Variants in TENM2 observed in about 807,000 individuals in gnomAD.
TENM2 encodes teneurin transmembrane protein 2.
Under a neutral mutation model 245.2 loss-of-function variants are expected in TENM2, and 52 were observed. That is an observed-to-expected ratio of 0.21 (90% CI 0.17 to 0.27). The LOEUF is 0.27. TENM2 is among the 10% of genes least tolerant of loss of function. The pLI is 1.00. For synonymous variants in TENM2, 1,363 were observed against 1,438.9 expected, an observed-to-expected ratio of 0.95 and a Z score of 1.19; for missense variants, 3,046 against 3,666.8, an observed-to-expected ratio of 0.83 and a Z score of 4.37.
rs754597398 is a variant in TENM2 at position 168,125,003 on chromosome 5, G to T, written c.2162G>T (p.Gly721Val). Reference sequence around the variant, plus strand: ...CATGGCACGTACCTGCCTGACACGGGCCTCTGCAGCTGCGATCCCAACTGG... The same window carrying T: ...CATGGCACGTACCTGCCTGACACGGTCCTCTGCAGCTGCGATCCCAACTGG... Residue 721 changes from glycine to valine, a missense_variant, in exon 11 of 29, where the codon GGC becomes GTC. Coordinates refer to ENST00000518659, the Ensembl canonical transcript of TENM2. 6 of 1,610,700 alleles carry T rather than the reference G, an allele frequency of 3.7e-6. No homozygotes were observed. In the Admixed American group the frequency reaches 1.0e-4, roughly 27 times the overall value.
chr5:167,566,246 G>A (rs146395282), intron 2 of TENM2, among the ~76,000 whole-genome samples: 30 of 151,932 alleles, frequency 2.0e-4, no homozygotes, highest in African/African-American at 5.3e-4. Flanking sequence ...GAAGGGAGCC[G>A]TTTAAATGCA....
intron 5 of TENM2, among the ~76,000 whole-genome samples, chr5:168,016,514 A>C (rs1190615030): frequency 6.6e-6 from 1 of 152,248 alleles, no homozygotes; most frequent in African/African-American, 2.4e-5. Flanking sequence ...CTAAGAGTAA[A>C]ACAATTAGTG....
At chr5:167,435,022 C>A (rs1015290649) in intron 2 of TENM2, among the ~76,000 whole-genome samples, 1 of 152,110 alleles carries the variant, frequency 6.6e-6, no homozygotes, top group East Asian at 1.9e-4. Context: ...TTGATGCCAA[C>A]GTAGTGGCAA....
chr5:167,884,092 CAACAAT>C (rs58919783), intron 3 of TENM2, among the ~76,000 whole-genome samples: 4,241 of 152,240 alleles, frequency 0.028, 186 homozygotes, highest in African/African-American at 0.095. Context: ...GTCTGTAAAA[CAACAAT>C]AAGTGTCTAC....
At chr5:168,031,045 G>A (rs932466344) in intron 5 of TENM2, among the ~76,000 whole-genome samples, 12 of 152,106 alleles carry the variant, frequency 7.9e-5, no homozygotes, top group African/African-American at 1.7e-4. Context: ...TGCACCCCCC[G>A]ACCACTGCTT....
Position 168,108,410 on chromosome 5 carries a change from G to A in TENM2, c.1814-9882G>A, listed in dbSNP as rs539521821. 2.0e-5 allele frequency among the ~76,000 whole-genome samples: 3 copies of A among 152,162 alleles called. No individual in the cohort carries two copies. In the South Asian group the frequency reaches 6.2e-4, roughly 32 times the overall value. On this transcript the variant is annotated intron_variant, in intron 9 of 28. Transcript: ENST00000518659. Reference sequence around the variant, plus strand: ...AATTACTTAACCCCTCTGAGCCTCGGTTTTCTCATCTGTAAAATGGAGACA... The same window carrying A: ...AATTACTTAACCCCTCTGAGCCTCGATTTTCTCATCTGTAAAATGGAGACA...
At chr5:167,589,746 A>G (rs1282018140) in intron 2 of TENM2, among the ~76,000 whole-genome samples, 1 of 152,032 alleles carries the variant, frequency 6.6e-6, no homozygotes, top group East Asian at 1.9e-4. Context: ...ATTCTTATAC[A>G]GTGGAAATTC....
chr5:168,200,728 A>G (rs187868749), intron 17 of TENM2, among the ~76,000 whole-genome samples: 1 of 152,290 alleles, frequency 6.6e-6, no homozygotes, highest in Non-Finnish European at 1.5e-5. Context: ...TTGCCTTTTG[A>G]AGGAATCACG....
intron 2 of TENM2, among the ~76,000 whole-genome samples, chr5:167,390,687 A>G (rs114562093): frequency 0.03 from 4,583 of 152,292 alleles, 237 homozygotes; most frequent in African/African-American, 0.1. Context: ...ATATAGAAAA[A>G]AAACAGTAGA....
chr5:167,078,484 A>AAACAACAAC, the TENM2 span, among the ~76,000 whole-genome samples: 105 of 54,840 alleles, frequency 1.9e-3, no homozygotes, highest in African/African-American at 6.2e-3. Context: ...ACTCTGTCTC[A>AAACAACAAC]AACAACAACA....
rs116772870 is a variant in TENM2, at chr5:168,131,547, C to T, written c.2422+4581C>T. On this transcript the variant is annotated intron_variant, in intron 12 of 28. Transcript: ENST00000518659. Reference sequence around the variant, plus strand: ...TTTACCCAAGGTAAAACCAGCCGTGCGATGATCCGATGTGCTGATTAAGTG... The same window carrying T: ...TTTACCCAAGGTAAAACCAGCCGTGTGATGATCCGATGTGCTGATTAAGTG... Among the ~76,000 whole-genome samples, 12 of 152,168 alleles carry T rather than the reference C, an allele frequency of 7.9e-5. 1 individual carries two copies. In the South Asian group the frequency reaches 1.0e-3, roughly 13 times the overall value.
At chr5:167,598,521 A>G (rs759089244) in intron 2 of TENM2, among the ~76,000 whole-genome samples, 1 of 152,260 alleles carries the variant, frequency 6.6e-6, no homozygotes, top group Non-Finnish European at 1.5e-5. Context: ...GTAAATATGG[A>G]TAGCAAGTGA....
intron 27 of TENM2, among the ~76,000 whole-genome samples, chr5:168,254,522 G>A (rs1767465305): frequency 6.6e-6 from 1 of 151,680 alleles, no homozygotes; most frequent in Non-Finnish European, 1.5e-5. Context: ...GAGGAAGAAA[G>A]GGAGGAAGAG....
intron 7 of TENM2, among the ~76,000 whole-genome samples, chr5:168,075,731 C>T (rs920254167): frequency 6.6e-6 from 1 of 152,136 alleles, no homozygotes; most frequent in Non-Finnish European, 1.5e-5. Context: ...AAGACATACT[C>T]GAGACTGGGT....
In TENM2 at chr5:167,974,021, GAGGAAGGAAGGAAGGAGAAGGAAGGA is replaced by G. The variant is rs1382295813; in HGVS notation, c.948-18919_948-18894del. 1.9e-3 allele frequency among the ~76,000 whole-genome samples: 119 copies of G among 64,232 alleles called. 7 individuals carry two copies. The highest frequency in any genetic ancestry group is 0.011 in the African/African-American group (109 of 9,952). The allele number at this position is 64,232 out of a possible 152,430, so 42.1% of individuals were successfully genotyped here. On this transcript the variant is annotated intron_variant, in intron 4 of 28. Transcript: ENST00000518659. ...GGAGAAAGGGAGGGAGGGAGGGAGGGAGGAAGGAAGGAAGGAGAAGGAAGGAAGGGAGGAAAGGAGGGAGGGAGGGA... is the reference window on the plus strand; with the variant it reads ...GGAGAAAGGGAGGGAGGGAGGGAGGGAGGGAGGAAAGGAGGGAGGGAGGGA...
At chr5:167,582,545 T>C (rs1247779500) in intron 2 of TENM2, among the ~76,000 whole-genome samples, 1 of 152,160 alleles carries the variant, frequency 6.6e-6, no homozygotes, top group Non-Finnish European at 1.5e-5. Context: ...GAAATGATGA[T>C]AGTCGACTAA....
intron 2 of TENM2, among the ~76,000 whole-genome samples, chr5:167,744,361 A>T (rs188071060): frequency 6.6e-6 from 1 of 152,278 alleles, no homozygotes; most frequent in East Asian, 1.9e-4. Flanking sequence ...TTGTTGGAAC[A>T]GGAACAGTGC....
At chr5:167,838,226 A>G (rs768885515) in intron 2 of TENM2, among the ~76,000 whole-genome samples, 6 of 152,190 alleles carry the variant, frequency 3.9e-5, no homozygotes, top group East Asian at 3.9e-4. Flanking sequence ...GCTCAAATCT[A>G]TTTCCAATGT....
intron 1 of TENM2, among the ~76,000 whole-genome samples, chr5:167,302,094 G>A (rs1755363835): frequency 6.6e-6 from 1 of 152,128 alleles, no homozygotes; most frequent in South Asian, 2.1e-4. Context: ...TGGGAACAGA[G>A]ACTATGGAGG....
Sources: gnomAD v4.1 joint callset for allele counts (sites outside exome capture counted in the v4.1 genomes callset) on GRCh38, gnomAD v4.1.1 for gene constraint, MANE v1.5 for transcripts, NCBI Gene and HGNC (gene_info 2026-07-23, HGNC 2026-07-21) for gene names.